Variants in DIS3L2 observed in about 807,000 individuals in gnomAD.
The protein encoded by DIS3L2 is DIS3 like 3'-5' exoribonuclease 2, also known as DIS3-like exonuclease 2.
DIS3L2 carries 34 observed loss-of-function variants against 97.5 expected under a neutral mutation model. That is an observed-to-expected ratio of 0.35 (90% confidence interval 0.27 to 0.46). The LOEUF (loss-of-function observed/expected upper bound fraction) is 0.46, where lower values mean the gene tolerates loss of function less well. Among genes scored for constraint, DIS3L2 ranks in the 20% least tolerant of loss-of-function variants. The probability of loss-of-function intolerance (pLI) is 1.00; values close to 1 mark genes in which losing one functional copy is unlikely to be tolerated. For missense variants in DIS3L2, 1,038 were observed against 1,146.0 expected, an observed-to-expected ratio of 0.91 and a Z score of 1.36; for synonymous variants, 435 against 445.2, an observed-to-expected ratio of 0.98 and a Z score of 0.29.
chr2:231,968,838 T>G (rs994231438), intron 1 of DIS3L2, among the ~76,000 whole-genome samples: 1 of 152,188 alleles, frequency 6.6e-6, no homozygotes, highest in Non-Finnish European at 1.5e-5. Flanking sequence ...TTTGATATGG[T>G]TTGGTTTTAG....
chr2:231,976,765 CTT>C (rs34911392), intron 1 of DIS3L2, among the ~76,000 whole-genome samples: 7 of 124,446 alleles, frequency 5.6e-5, no homozygotes, highest in Non-Finnish European at 6.6e-5. Flanking sequence ...AACACGAAGC[CTT>C]TTTTTTTTTT....
At chr2:232,030,328 A>G (rs1024040154) in intron 5 of DIS3L2, among the ~76,000 whole-genome samples, 2 of 152,072 alleles carry the variant, frequency 1.3e-5, no homozygotes, top group African/African-American at 2.4e-5. Flanking sequence ...CATGCCTTGC[A>G]CTGGTTTTTG....
At chr2:232,321,549 C>T (rs529675433) in intron 14 of DIS3L2, among the ~76,000 whole-genome samples, 7 of 152,256 alleles carry the variant, frequency 4.6e-5, no homozygotes, top group South Asian at 2.1e-4. Context: ...AGGCCCAGTG[C>T]GTCTCTGTGG....
chr2:232,234,198 G>T (rs1012403443), intron 10 of DIS3L2, among the ~76,000 whole-genome samples: 24 of 152,184 alleles, frequency 1.6e-4, no homozygotes, highest in Non-Finnish European at 3.1e-4. Flanking sequence ...CCAAGTAACT[G>T]GAAAAGTGAC....
rs114117178 is a variant in DIS3L2, at chr2:232,122,097, A to G, written c.602-8522A>G. Reference sequence around the variant, plus strand: ...CCTATAGCTCCCCATTGCCTTTGTGATAATCCAAACTCTGTAATGTTTAAC... The same window carrying G: ...CCTATAGCTCCCCATTGCCTTTGTGGTAATCCAAACTCTGTAATGTTTAAC... On this transcript the variant is annotated intron_variant, in intron 6 of 20. Coordinates refer to ENST00000325385, the MANE Select transcript of DIS3L2 (RefSeq NM_152383.5). 2.8e-3 allele frequency among the ~76,000 whole-genome samples: 429 copies of G among 152,284 alleles called. 1 individual carries two copies. Among genetic ancestry groups the G allele is most frequent in the Non-Finnish European group, 4.7e-3 (317 of 68,010 alleles).
intron 14 of DIS3L2, 26 bp from the exon 15 acceptor site, chr2:232,329,787 C>CCCGGGGGGGGGCG: frequency 1.9e-6 from 2 of 1,062,210 alleles, no homozygotes; most frequent in Non-Finnish European, 2.6e-6. Flanking sequence ...CCCAGCGGTC[C>CCCGGGGGGGGGCG]CTCCCATCCC....
At chr2:232,012,495 C>T (rs780797227) in intron 1 of DIS3L2, among the ~76,000 whole-genome samples, 8 of 147,934 alleles carry the variant, frequency 5.4e-5, no homozygotes, top group Non-Finnish European at 9.2e-5. Flanking sequence ...TCAATTCCAG[C>T]GCTTGTTTTT....
chr2:232,025,695 T>C (rs1178100646), intron 4 of DIS3L2, among the ~76,000 whole-genome samples: 1 of 152,190 alleles, frequency 6.6e-6, no homozygotes, highest in Admixed American at 6.6e-5. Context: ...ACATATGTGT[T>C]AGTTTCCAGA....
At chr2:232,078,384 C>G (rs1245931882) in intron 5 of DIS3L2, among the ~76,000 whole-genome samples, 3 of 152,098 alleles carry the variant, frequency 2.0e-5, no homozygotes, top group African/African-American at 7.2e-5. Flanking sequence ...CCCTTCCCCC[C>G]CGCCCCGCTC....
intron 6 of DIS3L2, among the ~76,000 whole-genome samples, chr2:232,120,232 G>A (rs1697856410): frequency 6.6e-6 from 1 of 152,156 alleles, no homozygotes; most frequent in South Asian, 2.1e-4. Flanking sequence ...TAGGAATCAT[G>A]TTTTCCATTT....
intron 6 of DIS3L2, among the ~76,000 whole-genome samples, chr2:232,088,362 C>T (rs1051826390): frequency 1.1e-4 from 15 of 134,526 alleles, no homozygotes; most frequent in South Asian, 2.3e-4. Flanking sequence ...CTGGCTAACA[C>T]GTTGAAAGCC....
At chr2:232,253,400 G>T (rs1442595130) in intron 12 of DIS3L2, among the ~76,000 whole-genome samples, 1 of 152,104 alleles carries the variant, frequency 6.6e-6, no homozygotes, top group African/African-American at 2.4e-5. Flanking sequence ...TTCCTGGAAG[G>T]GTCTCAGGGA....
At chr2:232,155,169 C>T (rs961399578) in intron 8 of DIS3L2, among the ~76,000 whole-genome samples, 9 of 143,120 alleles carry the variant, frequency 6.3e-5, no homozygotes, top group South Asian at 2.2e-4. Context: ...TCTTCTGCGT[C>T]GCTCACGCTG....
intron 1 of DIS3L2, among the ~76,000 whole-genome samples, chr2:231,968,097 ATT>A (rs34272468): frequency 1.8e-4 from 24 of 134,592 alleles, no homozygotes; most frequent in East Asian, 2.1e-4. Context: ...CAGATAACTG[ATT>A]TTTTTTTTTT....
At chr2:232,215,115 A>G (rs1692296165) in intron 10 of DIS3L2, among the ~76,000 whole-genome samples, 1 of 152,246 alleles carries the variant, frequency 6.6e-6, no homozygotes, top group Non-Finnish European at 1.5e-5. Context: ...GAATGAGAAG[A>G]AATAAACATA....
chr2:232,148,008 TCTC>T (rs1690268665), intron 8 of DIS3L2, among the ~76,000 whole-genome samples: 2 of 96,908 alleles, frequency 2.1e-5, no homozygotes, highest in Admixed American at 1.3e-4. Flanking sequence ...TCTCCTCTCC[TCTC>T]CTCTCCTCTC....
At chr2:232,104,724 G>A (rs114331153) in intron 6 of DIS3L2, among the ~76,000 whole-genome samples, 35 of 152,260 alleles carry the variant, frequency 2.3e-4, no homozygotes, top group African/African-American at 8.4e-4. Context: ...GCACATATAT[G>A]TTGTAGTGTG....
intron 14 of DIS3L2, 97 bp from the exon 15 acceptor site, chr2:232,329,716 G>GTGAT (rs1438523390): frequency 4.0e-6 from 5 of 1,245,714 alleles, no homozygotes; most frequent in African/African-American, 3.1e-5. Context: ...GACCTGAAGG[G>GTGAT]TGATTGATAG....
chr2:232,137,033 A>C (rs946130220), intron 8 of DIS3L2, among the ~76,000 whole-genome samples: 1 of 152,192 alleles, frequency 6.6e-6, no homozygotes, highest in African/African-American at 2.4e-5. Flanking sequence ...AATTCATTGC[A>C]TCAAACAACC....
Sources: allele counts gnomAD v4.1 joint callset (sites outside exome capture counted in the v4.1 genomes callset), GRCh38; gene constraint gnomAD v4.1.1; transcripts MANE v1.5; gene names NCBI Gene and HGNC (gene_info 2026-07-23, HGNC 2026-07-21).